NHLRC2: variants seen among roughly 807,000 people sequenced by gnomAD.
NHLRC2 encodes the protein NHL repeat-containing protein 2.
A neutral mutation model predicts 68.1 loss-of-function variants in NHLRC2; 33 were observed. The ratio of observed to expected loss-of-function variants is 0.48; its 90% CI spans 0.37 to 0.65. The LOEUF (loss-of-function observed/expected upper bound fraction) is 0.65, where lower values mean the gene tolerates loss of function less well. NHLRC2 is among the 30% of genes least tolerant of loss of function. The probability of loss-of-function intolerance (pLI) is 0.00; values close to 1 mark genes in which losing one functional copy is unlikely to be tolerated. For missense variants in NHLRC2, 761 were observed against 853.8 expected (o/e 0.89, Z 1.35); for synonymous variants, 311 against 309.6 (o/e 1.00, Z -0.05).
chr10:113,898,893 T>C (rs1156600149), intron 6 of NHLRC2, among the ~76,000 whole-genome samples: 1 of 152,170 alleles, frequency 6.6e-6, no homozygotes, highest in Admixed American at 6.5e-5. Flanking sequence ...TGTGGAGAGC[T>C]TGGCATAGTA....
intron 4 of NHLRC2, among the ~76,000 whole-genome samples, chr10:113,883,745 T>C (rs886157619): frequency 3.3e-5 from 5 of 151,962 alleles, no homozygotes; most frequent in African/African-American, 1.2e-4. Flanking sequence ...AAAAGTTACT[T>C]AATGATCTGT....
Position 113,854,797 on chromosome 10 carries a change from G to A in NHLRC2, c.-76G>A. 2 of 1,298,136 alleles carry A rather than the reference G, an allele frequency of 1.5e-6. No individual in the cohort carries two copies. The highest frequency in any genetic ancestry group is 2.1e-6 in the Non-Finnish European group (2 of 950,238). The allele number at this position is 1,298,136 out of a possible 1,614,324, so 80.4% of individuals were successfully genotyped here. ...GTGAATGCGCCGTTTGGAAACCACA[G>A]GACAGTGAACGTTTCGTCTCTCCCA... is the stretch of plus-strand genomic sequence containing the variant. On this transcript the variant is annotated 5_prime_UTR_variant, in exon 1 of 11. Transcript: ENST00000369301.
chr10:113,890,480 G>C (rs1208063878), intron 5 of NHLRC2, among the ~76,000 whole-genome samples: 1 of 151,970 alleles, frequency 6.6e-6, no homozygotes, highest in Admixed American at 6.6e-5. Context: ...GAATTATCCT[G>C]CTTGGAGTTC....
intron 5 of NHLRC2, among the ~76,000 whole-genome samples, chr10:113,893,570 A>G (rs1846151332): frequency 6.6e-6 from 1 of 152,182 alleles, no homozygotes; most frequent in South Asian, 2.1e-4. Context: ...ATAAGTTGGT[A>G]TGTAGAATTC....
At position 113,916,130 on chromosome 10, in the gene NHLRC2, A is replaced by G. The variant is rs1846383100; in HGVS notation, c.*7594A>G. 6.6e-6 allele frequency: 1 copy of G among 152,174 alleles called. No homozygotes were observed. The highest frequency in any genetic ancestry group is 1.5e-5 in the Non-Finnish European group (1 of 68,038). The allele number at this position is 152,174 out of a possible 1,614,324, so 9.4% of individuals were successfully genotyped here. ...GTCACTGTTCTTAGTGCCACTGGAAATATATTCATTCTTTGAGCATGTACA... is the reference window on the plus strand; with the variant it reads ...GTCACTGTTCTTAGTGCCACTGGAAGTATATTCATTCTTTGAGCATGTACA... On this transcript the variant is annotated 3_prime_UTR_variant, in exon 11 of 11. Coordinates refer to ENST00000369301, the MANE Select transcript of NHLRC2 (RefSeq NM_198514.4).
chr10:113,876,335 T>G (rs562853721), intron 2 of NHLRC2, among the ~76,000 whole-genome samples, 186 bp from the exon 3 acceptor site: 1 of 152,144 alleles, frequency 6.6e-6, no homozygotes, highest in Non-Finnish European at 1.5e-5. Context: ...AAGATTGTTA[T>G]GAGATTTAAA....
At position 113,889,763 on chromosome 10, in the gene NHLRC2, C is replaced by A. The variant is rs560535455; in HGVS notation, c.1039+5383C>A. On this transcript the variant is annotated intron_variant, in intron 5 of 10. Coordinates refer to ENST00000369301, the MANE Select transcript of NHLRC2 (RefSeq NM_198514.4). ...TCACCACACTCACTGCAGCAACTGGCAGCAGTGATCTCTTTCCTGTTCTCT... is the reference window on the plus strand; with the variant it reads ...TCACCACACTCACTGCAGCAACTGGAAGCAGTGATCTCTTTCCTGTTCTCT... 1.1e-4 allele frequency among the ~76,000 whole-genome samples: 17 copies of A among 152,254 alleles called. No individual in the cohort carries two copies. In the South Asian group the frequency reaches 3.5e-3, roughly 32 times the overall value.
At chr10:113,874,363 C>G (rs1845958770) in intron 2 of NHLRC2, among the ~76,000 whole-genome samples, 1 of 151,908 alleles carries the variant, frequency 6.6e-6, no homozygotes, top group Non-Finnish European at 1.5e-5. Context: ...TCCCACTCCT[C>G]CCCACCACCT....
intron 2 of NHLRC2, among the ~76,000 whole-genome samples, chr10:113,871,066 C>G (rs1369296827): frequency 7.3e-6 from 1 of 137,906 alleles, no homozygotes; most frequent in Non-Finnish European, 1.5e-5. Flanking sequence ...TTCTTATTGC[C>G]CAGGCTAGAG....
At chr10:113,893,979 A>T (rs142122245) in intron 5 of NHLRC2, among the ~76,000 whole-genome samples, 1 of 152,226 alleles carries the variant, frequency 6.6e-6, no homozygotes, top group Non-Finnish European at 1.5e-5. Context: ...CAAGGTGGGA[A>T]CAGGATGACA....
chr10:113,872,631 A>G (rs1845938126), intron 2 of NHLRC2, among the ~76,000 whole-genome samples: 1 of 152,106 alleles, frequency 6.6e-6, no homozygotes, highest in Non-Finnish European at 1.5e-5. Context: ...TGAATCCAGA[A>G]AAGAGAAGAC....
rs1846320065 is a variant in NHLRC2 at position 113,910,696 on chromosome 10, C to T, written c.*2160C>T. On this transcript the variant is annotated 3_prime_UTR_variant, in exon 11 of 11. Transcript: ENST00000369301. Reference sequence around the variant, plus strand: ...TATTTTTCAATATAATATACAAACACAGTGTTTGTTATACATGTTCATGTA... The same window carrying T: ...TATTTTTCAATATAATATACAAACATAGTGTTTGTTATACATGTTCATGTA... The T allele has an allele frequency of 6.6e-6, 1 of 152,078 alleles. No homozygotes were observed. Among genetic ancestry groups the T allele is most frequent in the African/African-American group, 2.4e-5 (1 of 41,388 alleles). The allele number at this position is 152,078 out of a possible 1,614,324, so 9.4% of individuals were successfully genotyped here.
At chr10:113,884,146 A>T in intron 4 of NHLRC2, 105 bp from the exon 5 acceptor site, 1 of 975,886 alleles carries the variant, frequency 1.0e-6, no homozygotes, top group Non-Finnish European at 1.5e-6. Context: ...TTTGTACTGC[A>T]CATACACTCT....
rs142202707 is a variant in NHLRC2 at position 113,897,093 on chromosome 10, G to A, written c.1040-1017G>A. ...AGAATGAATAAGATTATTCATTTTC[G>A]TGGGCTTTCCATGTTTTTATTTCTC... is the stretch of plus-strand genomic sequence containing the variant. On this transcript the variant is annotated intron_variant, in intron 5 of 10. Transcript: ENST00000369301. 1.9e-3 allele frequency among the ~76,000 whole-genome samples: 291 copies of A among 151,724 alleles called. 2 individuals are homozygous for A. Among genetic ancestry groups the A allele is most frequent in the African/African-American group, 6.7e-3 (279 of 41,390 alleles).
rs1423966474 is a variant in NHLRC2, at chr10:113,909,560, T to G, written c.*1024T>G. Reference sequence around the variant, plus strand: ...AAGTGAAATTTTCAGTGTGAGGTGCTTTCATGCTATTAATAGATACAGTAT... The same window carrying G: ...AAGTGAAATTTTCAGTGTGAGGTGCGTTCATGCTATTAATAGATACAGTAT... On this transcript the variant is annotated 3_prime_UTR_variant, in exon 11 of 11. Transcript: ENST00000369301. 1 of 152,170 alleles carries G rather than the reference T, an allele frequency of 6.6e-6. No individual in the cohort carries two copies. The highest frequency in any genetic ancestry group is 1.5e-5 in the Non-Finnish European group (1 of 67,996). The allele number at this position is 152,170 out of a possible 1,614,324, so 9.4% of individuals were successfully genotyped here. A position where few individuals can be genotyped will look rare whatever the true frequency, so the allele number is the denominator to read the frequency against.
At chr10:113,875,147 A>G (rs1845966326) in intron 2 of NHLRC2, among the ~76,000 whole-genome samples, 1 of 151,674 alleles carries the variant, frequency 6.6e-6, no homozygotes, top group South Asian at 2.1e-4. Flanking sequence ...GAATGTGACG[A>G]TATGTGAACT....
chr10:113,860,105 G>T (rs147859429), intron 2 of NHLRC2, among the ~76,000 whole-genome samples: 4 of 152,152 alleles, frequency 2.6e-5, no homozygotes, highest in African/African-American at 9.7e-5. Context: ...ATTGTATAGC[G>T]TTCTTAATAG....
At chr10:113,873,116 T>A (rs749714891) in intron 2 of NHLRC2, among the ~76,000 whole-genome samples, 4 of 152,186 alleles carry the variant, frequency 2.6e-5, no homozygotes, top group Non-Finnish European at 2.9e-5. Flanking sequence ...AAGGCAACAG[T>A]AGAGTGACAT....
At chr10:113,888,229 T>G (rs1027105395) in intron 5 of NHLRC2, among the ~76,000 whole-genome samples, 6 of 152,186 alleles carry the variant, frequency 3.9e-5, no homozygotes, top group African/African-American at 1.4e-4. Flanking sequence ...GAATAAGTTT[T>G]AGAGATAATT....
Sources: allele counts gnomAD v4.1 joint callset (sites outside exome capture counted in the v4.1 genomes callset), GRCh38; gene constraint gnomAD v4.1.1; transcripts MANE v1.5; gene names NCBI Gene and HGNC (gene_info 2026-07-23, HGNC 2026-07-21).